Variants in ADK observed in about 807,000 individuals in gnomAD.
The protein encoded by ADK is N6,N6-dimethyladenosine kinase.
In ADK, 24 loss-of-function variants were observed where a neutral mutation model predicts 44.7. That is an observed-to-expected ratio of 0.54 (90% confidence interval 0.39 to 0.76). The LOEUF (loss-of-function observed/expected upper bound fraction) is 0.76, where lower values mean the gene tolerates loss of function less well. ADK is among the 30% of genes least tolerant of loss of function. The pLI is 0.00. For missense variants in ADK, 321 were observed against 425.1 expected, an observed-to-expected ratio of 0.76 and a Z score of 2.15; for synonymous variants, 128 against 142.6, an observed-to-expected ratio of 0.90 and a Z score of 0.73.
At chr10:74,301,938 A>C (rs1840046124) in intron 3 of ADK, among the ~76,000 whole-genome samples, 1 of 152,026 alleles carries the variant, frequency 6.6e-6, no homozygotes, top group South Asian at 2.1e-4. Flanking sequence ...AGTGTTACAA[A>C]AGAGATTCAC....
chr10:74,441,350 T>C (rs1043166110), intron 6 of ADK, among the ~76,000 whole-genome samples: 1 of 152,166 alleles, frequency 6.6e-6, no homozygotes, highest in Admixed American at 6.5e-5. Context: ...CTCAAAAGGC[T>C]AAACACAGAG....
intron 6 of ADK, among the ~76,000 whole-genome samples, chr10:74,499,093 C>T (rs1363028475): frequency 6.6e-6 from 1 of 152,094 alleles, no homozygotes; most frequent in Admixed American, 6.5e-5. Flanking sequence ...ACTCTGTCAC[C>T]CAGGCTGGAT....
chr10:74,460,610 A>G (rs1846142027), intron 6 of ADK, among the ~76,000 whole-genome samples: 1 of 152,118 alleles, frequency 6.6e-6, no homozygotes, highest in South Asian at 2.1e-4. Context: ...AATGTAAATG[A>G]TTTTGTCTCT....
At chr10:74,555,884 A>G (rs898319275) in intron 7 of ADK, among the ~76,000 whole-genome samples, 1 of 152,162 alleles carries the variant, frequency 6.6e-6, no homozygotes, top group Non-Finnish European at 1.5e-5. Flanking sequence ...CCCCTTGGAA[A>G]AGACTAGGCA....
intron 7 of ADK, among the ~76,000 whole-genome samples, chr10:74,540,056 A>T (rs961337519): frequency 6.6e-6 from 1 of 152,152 alleles, no homozygotes; most frequent in Non-Finnish European, 1.5e-5. Context: ...CGCCAACTAC[A>T]TTGCCTCTCT....
intron 1 of ADK, among the ~76,000 whole-genome samples, chr10:74,186,540 G>A (rs1324493806): frequency 6.6e-6 from 1 of 151,802 alleles, no homozygotes; most frequent in Non-Finnish European, 1.5e-5. Context: ...CTGAGCCCAA[G>A]TGATCCACCC....
chr10:74,208,707 A>G (rs1843693055), intron 2 of ADK, among the ~76,000 whole-genome samples: 1 of 151,654 alleles, frequency 6.6e-6, no homozygotes, highest in Non-Finnish European at 1.5e-5. Context: ...GATAAGTACT[A>G]TGTATATATA....
At chr10:74,193,827 G>C (rs1843034976) in intron 1 of ADK, among the ~76,000 whole-genome samples, 1 of 151,880 alleles carries the variant, frequency 6.6e-6, no homozygotes, top group Non-Finnish European at 1.5e-5. Context: ...GAAAACCCAT[G>C]GAATTATCAT....
chr10:74,300,974 T>C (rs993696174), intron 3 of ADK, among the ~76,000 whole-genome samples: 1 of 152,202 alleles, frequency 6.6e-6, no homozygotes, highest in African/African-American at 2.4e-5. Context: ...GCTTCTACCT[T>C]ATGTTACATT....
At chr10:74,655,281 G>T in intron 9 of ADK, 3 of 468,392 alleles carry the variant, frequency 6.4e-6, no homozygotes, top group South Asian at 5.8e-5. Context: ...CTCCATCTTT[G>T]AGAAGGGCCC....
At chr10:74,356,935 C>G (rs565634598) in intron 4 of ADK, among the ~76,000 whole-genome samples, 1 of 152,262 alleles carries the variant, frequency 6.6e-6, no homozygotes, top group East Asian at 1.9e-4. Context: ...AAAAGACCTT[C>G]TCTTCCCCTT....
rs541238000 is a variant in ADK, at chr10:74,589,819, T to A, written c.762+502T>A. On this transcript the variant is annotated intron_variant, in intron 8 of 10. Coordinates refer to ENST00000539909, the MANE Select transcript of ADK (RefSeq NM_006721.4). Reference sequence around the variant, plus strand: ...GTTGTTAGGAACTGATTAATTTAAATCCTGCTTTTATAAACTTACTCTTTG... The same window carrying A: ...GTTGTTAGGAACTGATTAATTTAAAACCTGCTTTTATAAACTTACTCTTTG... Among the ~76,000 whole-genome samples the A allele has an allele frequency of 2.0e-5, 3 of 152,364 alleles. No homozygotes were observed. The East Asian group carries it at 5.8e-4, about 29-fold the overall frequency.
At chr10:74,691,832 A>C (rs1445673406) in intron 10 of ADK, among the ~76,000 whole-genome samples, 2 of 152,124 alleles carry the variant, frequency 1.3e-5, no homozygotes, top group African/African-American at 4.8e-5. Flanking sequence ...TATTTCACTC[A>C]TCTCATTTTC....
At chr10:74,648,201 G>A (rs1018392283) in intron 9 of ADK, among the ~76,000 whole-genome samples, 1 of 152,090 alleles carries the variant, frequency 6.6e-6, no homozygotes, top group Non-Finnish European at 1.5e-5. Context: ...AAGATAAAGA[G>A]GTTTATTGCC....
At chr10:74,707,788 C>T (rs1303072592) in intron 10 of ADK, among the ~76,000 whole-genome samples, 5 of 149,314 alleles carry the variant, frequency 3.3e-5, no homozygotes, top group Non-Finnish European at 7.4e-5. Flanking sequence ...AAAGGAAGAC[C>T]AGATTGACTT....
chr10:74,703,305 A>C (rs1318186701), intron 10 of ADK, among the ~76,000 whole-genome samples: 1 of 151,972 alleles, frequency 6.6e-6, no homozygotes, highest in Non-Finnish European at 1.5e-5. Context: ...AACATGACAA[A>C]ACCCCATCTA....
At chr10:74,693,618 G>A (rs1856067708) in intron 10 of ADK, among the ~76,000 whole-genome samples, 1 of 152,192 alleles carries the variant, frequency 6.6e-6, no homozygotes, top group South Asian at 2.1e-4. Context: ...TTGAATTTCC[G>A]TTTCAAAAGA....
intron 7 of ADK, among the ~76,000 whole-genome samples, chr10:74,577,110 C>CTTTGTGTG (rs1554883617): frequency 7.3e-6 from 1 of 137,328 alleles, no homozygotes; most frequent in Admixed American, 7.4e-5. Context: ...TATTATTTCT[C>CTTTGTGTG]TGTGTGTGTG....
At chr10:74,235,309 T>G (rs572267381) in intron 3 of ADK, among the ~76,000 whole-genome samples, 1 of 152,198 alleles carries the variant, frequency 6.6e-6, no homozygotes, top group South Asian at 2.1e-4. Flanking sequence ...AAAACATTCT[T>G]GACATTTACG....
Sources: gnomAD v4.1 joint callset for allele counts (sites outside exome capture counted in the v4.1 genomes callset) on GRCh38, gnomAD v4.1.1 for gene constraint, MANE v1.5 for transcripts, NCBI Gene and HGNC (gene_info 2026-07-23, HGNC 2026-07-21) for gene names.